The following TPRG1 variants were observed in gnomAD, a reference collection of about 807,000 sequenced individuals.
The protein encoded by TPRG1 is tumor protein p63 regulated 1, also known as tumor protein p63-regulated gene 1 protein.
Under a neutral mutation model 29.3 loss-of-function variants are expected in TPRG1, and 29 were observed. That is an observed-to-expected ratio of 0.99 (90% confidence interval 0.74 to 1.35). The LOEUF (loss-of-function observed/expected upper bound fraction) is 1.35. Among genes scored for constraint, TPRG1 ranks in the 40% most tolerant of loss-of-function variants. The probability of loss-of-function intolerance (pLI) is 0.00; values close to 1 mark genes in which losing one functional copy is unlikely to be tolerated. For synonymous variants in TPRG1, 130 were observed against 116.8 expected (o/e 1.11, Z -0.73); for missense variants, 327 against 335.0 (o/e 0.98, Z 0.19).
chr3:189,177,967 G>T (rs934215852), intron 1 of TPRG1, among the ~76,000 whole-genome samples: 2 of 152,130 alleles, frequency 1.3e-5, no homozygotes, highest in African/African-American at 4.8e-5. Context: ...GGTGTGTCCT[G>T]GGAGTCAGGC....
chr3:189,111,500 A>ATAATT (rs1233205094), intron 1 of TPRG1, among the ~76,000 whole-genome samples: 1 of 152,110 alleles, frequency 6.6e-6, no homozygotes, highest in East Asian at 1.9e-4. Flanking sequence ...TGATAGGGTT[A>ATAATT]TAATTTCTAC....
At chr3:189,219,935 C>A in intron 3 of TPRG1, 1 of 208,694 alleles carries the variant, frequency 4.8e-6, no homozygotes, top group Non-Finnish European at 8.3e-6. Flanking sequence ...TGAAATCGGA[C>A]TGTCCATGTG....
chr3:189,057,738 GTA>G (rs140126859), intron 4 of TPRG1, among the ~76,000 whole-genome samples: 2,414 of 143,752 alleles, frequency 0.017, 65 homozygotes, highest in African/African-American at 0.058. Flanking sequence ...ATTTCTATTA[GTA>G]TATATATACA....
At chr3:189,137,837 C>A (rs1022620078) in intron 3 of TPRG1, among the ~76,000 whole-genome samples, 7 of 152,150 alleles carry the variant, frequency 4.6e-5, no homozygotes, top group Non-Finnish European at 8.8e-5. Context: ...ATGTGATCTT[C>A]CTTTTCCTGC....
At chr3:189,203,996 G>A (rs1268284769) in intron 1 of TPRG1, among the ~76,000 whole-genome samples, 4 of 141,550 alleles carry the variant, frequency 2.8e-5, no homozygotes, top group South Asian at 2.3e-4. Flanking sequence ...AGCCTAGATC[G>A]TGCCACTGCA....
chr3:189,040,835 G>T (rs770218782), intron 4 of TPRG1, among the ~76,000 whole-genome samples: 3 of 152,124 alleles, frequency 2.0e-5, no homozygotes, highest in Non-Finnish European at 4.4e-5. Flanking sequence ...TGAGTCAAAG[G>T]GTGGTCCTCA....
At chr3:189,001,212 T>C (rs1446450563) in intron 2 of TPRG1, among the ~76,000 whole-genome samples, 2 of 152,106 alleles carry the variant, frequency 1.3e-5, no homozygotes, top group Non-Finnish European at 2.9e-5. Context: ...TTCACAATTT[T>C]TGAGTTGAAA....
chr3:189,017,322 G>A (rs1372790807), intron 3 of TPRG1, among the ~76,000 whole-genome samples: 1 of 151,742 alleles, frequency 6.6e-6, no homozygotes, highest in Non-Finnish European at 1.5e-5. Context: ...CTGGTGCACT[G>A]CCCCCACTAA....
At chr3:189,289,269 A>T (rs1451005628) in intron 4 of TPRG1, among the ~76,000 whole-genome samples, 1 of 152,172 alleles carries the variant, frequency 6.6e-6, no homozygotes, top group East Asian at 1.9e-4. Context: ...CAGGCTTAAA[A>T]AATCAGTCAT....
intron 4 of TPRG1, among the ~76,000 whole-genome samples, chr3:189,039,162 G>C (rs1023485314): frequency 6.6e-6 from 1 of 152,222 alleles, no homozygotes; most frequent in Non-Finnish European, 1.5e-5. Context: ...AGATGAAATA[G>C]CATTACAGTT....
chr3:189,012,105 C>T (rs998702597), intron 3 of TPRG1, among the ~76,000 whole-genome samples: 1 of 152,146 alleles, frequency 6.6e-6, no homozygotes, highest in Non-Finnish European at 1.5e-5. Context: ...TCCTCTCTTC[C>T]TATTTAAATA....
intron 4 of TPRG1, among the ~76,000 whole-genome samples, chr3:189,274,721 G>T (rs2109101463): frequency 6.6e-6 from 1 of 152,080 alleles, no homozygotes; most frequent in African/African-American, 2.4e-5. Flanking sequence ...GACTGAAAAA[G>T]GTGAGGCTTG....
intron 4 of TPRG1, among the ~76,000 whole-genome samples, chr3:189,247,977 A>G (rs1266389178): frequency 6.6e-6 from 1 of 151,206 alleles, no homozygotes; most frequent in East Asian, 1.9e-4. Context: ...TTTTTTTTTA[A>G]TTGGGCTATC....
intron 3 of TPRG1, among the ~76,000 whole-genome samples, chr3:189,017,941 A>G (rs1713042620): frequency 6.6e-6 from 1 of 151,034 alleles, no homozygotes; most frequent in Middle Eastern, 3.2e-3. Flanking sequence ...GTGAGATGGT[A>G]TCTCATTGTG....
intron 4 of TPRG1, among the ~76,000 whole-genome samples, chr3:189,071,157 A>T (rs1716792452): frequency 6.6e-6 from 1 of 151,906 alleles, no homozygotes; most frequent in Admixed American, 6.6e-5. Context: ...TCACCAGGGC[A>T]GAGAATCCTG....
intron 5 of TPRG1, among the ~76,000 whole-genome samples, chr3:189,164,285 C>T (rs1386538873): frequency 6.6e-6 from 1 of 152,126 alleles, no homozygotes; most frequent in East Asian, 1.9e-4. Context: ...GCCTTAGCCT[C>T]CTGAGCAGCT....
intron 4 of TPRG1, among the ~76,000 whole-genome samples, chr3:189,055,679 C>T (rs958153098): frequency 1.3e-5 from 2 of 152,140 alleles, no homozygotes; most frequent in African/African-American, 4.8e-5. Context: ...TTGAGAACAG[C>T]CCTCCCAACA....
At chr3:189,118,424 C>G (rs935207101) in intron 1 of TPRG1, among the ~76,000 whole-genome samples, 1 of 152,182 alleles carries the variant, frequency 6.6e-6, no homozygotes, top group Non-Finnish European at 1.5e-5. Flanking sequence ...GGGAGAATTG[C>G]AAGCCACCTG....
At chr3:189,027,618 GTT>G (rs1000899327) in intron 4 of TPRG1, among the ~76,000 whole-genome samples, 1 of 152,078 alleles carries the variant, frequency 6.6e-6, no homozygotes, top group African/African-American at 2.4e-5. Context: ...ACAAAATTAT[GTT>G]TTTATGTATC....
Sources: allele counts gnomAD v4.1 joint callset (sites outside exome capture counted in the v4.1 genomes callset), GRCh38; gene constraint gnomAD v4.1.1; transcripts MANE v1.5; gene names NCBI Gene and HGNC (gene_info 2026-07-23, HGNC 2026-07-21).